THAP9: variants seen among roughly 807,000 people sequenced by gnomAD.
The protein encoded by THAP9 is THAP domain containing 9.
THAP9 carries 20 observed loss-of-function variants against 35.7 expected under a neutral mutation model. That is an observed-to-expected ratio of 0.56 (90% CI 0.39 to 0.81). The LOEUF is 0.81. Among genes scored for constraint, THAP9 ranks in the 40% least tolerant of loss-of-function variants. The pLI is 0.00. For synonymous variants in THAP9, 335 were observed against 373.7 expected (o/e 0.90, Z 1.19); for missense variants, 870 against 1,047.4 (o/e 0.83, Z 2.34).
chr4:82,905,901 T>C (rs1267581386), intron 2 of THAP9: 4 of 456,306 alleles, frequency 8.8e-6, no homozygotes, highest in South Asian at 6.2e-5. Context: ...TGACAGCTAA[T>C]TGAGGGAGCT....
chr4:82,906,601 A>T lies in THAP9; in HGVS notation c.554A>T (p.Glu185Val), dbSNP rs1720658361. ...GAGAAACTACTTTCTGAAGAAACAGAGTGTCTGCTACGAGCTCAATTTTCA... is the reference window on the plus strand; with the variant it reads ...GAGAAACTACTTTCTGAAGAAACAGTGTGTCTGCTACGAGCTCAATTTTCA... ...VEEKLLSEET[E>V]CLLRAQFSDF... The change falls in exon 3 of 5, where the codon GAG becomes GTG. Residue 185 changes from glutamate (E) to valine (V), a missense_variant. Coordinates refer to ENST00000302236, the MANE Select transcript of THAP9 (RefSeq NM_024672.6). The T allele has an allele frequency of 6.2e-7, 1 of 1,606,510 alleles. No homozygotes were observed. The highest frequency in any genetic ancestry group is 1.3e-5 in the African/African-American group (1 of 74,492).
In THAP9 at chr4:82,917,593, A is replaced by G; in HGVS notation, c.1381A>G (p.Ile461Val). 6.2e-7 allele frequency: 1 copy of G among 1,614,108 alleles called. No homozygotes were observed. ...EEQELSNMERIPSTLANLKNH... is the reference protein window; with the variant it reads ...EEQELSNMERVPSTLANLKNH... ...ACAGGAATTATCAAATATGGAAAGA[A>G]TACCAAGTACACTTGCAAATTTGAA... The change falls in exon 5 of 5, where the codon ATA becomes GTA. Residue 461 changes from isoleucine to valine, a missense_variant. Physicochemically the swap from Ile to Val is conservative, Grantham distance 29. Around this residue, in one of 3 missense-constraint regions of THAP9, gnomAD observed 16 missense variants for 45.5 expected, o/e 0.35. Transcript: ENST00000302236.
chr4:82,919,040 T>G lies in THAP9; in HGVS notation c.*116T>G. The G allele has an allele frequency of 1.2e-6, 1 of 827,308 alleles. No homozygotes were observed. Among genetic ancestry groups the G allele is most frequent in the South Asian group, 2.2e-5 (1 of 45,430 alleles). The allele number at this position is 827,308 out of a possible 1,614,324, so 51.2% of individuals were successfully genotyped here. ...TGCACAGTGGACAAGTTTGCAATTC[T>G]GACTTATTAAAATTTCAAATTCTGC... On this transcript the variant is annotated 3_prime_UTR_variant, in exon 5 of 5. Transcript: ENST00000302236.
intron 4 of THAP9, chr4:82,910,115 A>G (rs888626988): frequency 6.6e-6 from 1 of 151,518 alleles, no homozygotes; most frequent in South Asian, 2.1e-4. Flanking sequence ...TTCTGCGTCA[A>G]CTCCTAGATT....
intron 4 of THAP9, chr4:82,910,862 T>G: frequency 6.8e-6 from 2 of 296,292 alleles, no homozygotes; most frequent in Middle Eastern, 8.5e-4. Flanking sequence ...ATGAAGGTCA[T>G]TGATGACCAT....
chr4:82,900,912 G>A (rs759153203), intron 1 of THAP9, 30 bp downstream of exon 1: 4 of 1,610,998 alleles, frequency 2.5e-6, no homozygotes, highest in Middle Eastern at 1.7e-4. Flanking sequence ...CGAAGCCTTC[G>A]AACTCCCTGC....
At chr4:82,904,558 T>C (rs1031633857) in intron 1 of THAP9, among the ~76,000 whole-genome samples, 178 bp from the exon 2 acceptor site, 7 of 152,164 alleles carry the variant, frequency 4.6e-5, no homozygotes, top group African/African-American at 1.7e-4. Context: ...TATTGAACCT[T>C]TGGATTAAAA....
rs766397708 is a variant in THAP9, at chr4:82,917,834, G to C, written c.1622G>C (p.Ser541Thr). The change falls in exon 5 of 5, where the codon AGT becomes ACT. Residue 541 changes from serine (S) to threonine (T), a missense_variant. This residue lies in a region of THAP9 where 414 missense variants were observed against 500.8 expected (regional missense o/e 0.83). Coordinates refer to ENST00000302236, the MANE Select transcript of THAP9 (RefSeq NM_024672.6). Reference sequence around the variant, plus strand: ...GGGCCTCTGTTGCCTGAAACTTACAGTAAAATAAACCACGTGTTAATTGAA... The same window carrying C: ...GGGCCTCTGTTGCCTGAAACTTACACTAAAATAAACCACGTGTTAATTGAA... The part of the protein sequence containing the change: ...LKGPLLPETY[S>T]KINHVLIEAK... 6.2e-7 allele frequency: 1 copy of C among 1,613,368 alleles called. No individual in the cohort carries two copies. The highest frequency in any genetic ancestry group is 8.5e-7 in the Non-Finnish European group (1 of 1,179,940).
At chr4:82,914,730 C>T (rs754709311) in intron 4 of THAP9, among the ~76,000 whole-genome samples, 10 of 152,126 alleles carry the variant, frequency 6.6e-5, no homozygotes, top group Non-Finnish European at 1.0e-4. Flanking sequence ...GTCAGATGCA[C>T]AGTTTGCAAA....
intron 4 of THAP9, among the ~76,000 whole-genome samples, chr4:82,909,439 T>TGC (rs1476886678): frequency 6.6e-6 from 1 of 151,948 alleles, no homozygotes; most frequent in East Asian, 1.9e-4. Flanking sequence ...TGTGTGTGTG[T>TGC]GCACTTAGAT....
intron 4 of THAP9, 141 bp downstream of exon 4, chr4:82,908,076 C>T (rs1378666324): frequency 5.2e-5 from 43 of 824,970 alleles, no homozygotes; most frequent in East Asian, 2.6e-4. Context: ...AGTACTCATA[C>T]TCCCATTTAA....
At chr4:82,915,961 T>G (rs1254893191) in intron 4 of THAP9, among the ~76,000 whole-genome samples, 2 of 152,324 alleles carry the variant, frequency 1.3e-5, no homozygotes, top group Non-Finnish European at 2.9e-5. Context: ...ATTTTGTTTA[T>G]GAAACTTCTA....
chr4:82,917,778 T>TA lies in THAP9; in HGVS notation c.1567dup (p.Ser523LysfsTer2). The TA allele has an allele frequency of 6.2e-7, 1 of 1,614,026 alleles. No individual in the cohort carries two copies. The highest frequency in any genetic ancestry group is 8.5e-7 in the Non-Finnish European group (1 of 1,179,972). On this transcript the variant is annotated frameshift_variant, in exon 5 of 5. Coordinates refer to ENST00000302236, the MANE Select transcript of THAP9 (RefSeq NM_024672.6). LOFTEE classifies it high-confidence loss of function. ...TTAACAATCTGTTTGACATCTTTAA[T>TA]AGTAGGAACTGTTATGGAAAGGGAC...
intron 4 of THAP9, among the ~76,000 whole-genome samples, chr4:82,911,838 A>G (rs893400081): frequency 7.2e-5 from 11 of 152,228 alleles, no homozygotes; most frequent in Non-Finnish European, 1.2e-4. Context: ...CAGGAAAAGT[A>G]AGTAACTAGA....
intron 4 of THAP9, among the ~76,000 whole-genome samples, chr4:82,910,438 T>TAAAAAAA (rs11306469): frequency 6.8e-6 from 1 of 148,082 alleles, no homozygotes; most frequent in Non-Finnish European, 1.5e-5. Flanking sequence ...CCAAGTTAAA[T>TAAAAAAA]AAAAAAAAAA....
At chr4:82,900,988 T>C in intron 1 of THAP9, 106 bp downstream of exon 1, 1 of 1,335,740 alleles carries the variant, frequency 7.5e-7, no homozygotes, top group Non-Finnish European at 1.1e-6. Context: ...GCGCCGCGTG[T>C]GTGACGCGAC....
chr4:82,908,912 T>A (rs534597553), intron 4 of THAP9, among the ~76,000 whole-genome samples: 4 of 49,464 alleles, frequency 8.1e-5, no homozygotes, highest in African/African-American at 1.5e-4. Flanking sequence ...TACAGATTCC[T>A]TTTTTTTTTT....
Position 82,918,142 on chromosome 4 carries a change from A to T in THAP9, c.1930A>T (p.Arg644Ter), listed in dbSNP as rs1377613896. Residue 644 changes from arginine (R) to a stop codon, truncating the protein, a stop_gained, in exon 5 of 5, where the codon AGA becomes TGA. Coordinates refer to ENST00000302236, the MANE Select transcript of THAP9 (RefSeq NM_024672.6). LOFTEE classifies it low-confidence loss of function (END_TRUNC). Reference sequence around the variant, plus strand: ...GAAAGCTTACTATAATTTGGAGACCAGATACAAATTTCAAGATGAAGTTTT... The same window carrying T: ...GAAAGCTTACTATAATTTGGAGACCTGATACAAATTTCAAGATGAAGTTTT... The part of the protein sequence containing the change: ...FQKAYYNLET[R>*]YKFQDEVFLS... The T allele has an allele frequency of 3.7e-6, 6 of 1,614,080 alleles. No individual in the cohort carries two copies. In the East Asian group the frequency reaches 1.1e-4, roughly 30 times the overall value.
Position 82,917,013 on chromosome 4 carries a change from A to G in THAP9, c.801A>G (p.Val267=). ...SNIFSFLQRR[V]ENGDQLYQYC... is the part of the protein sequence containing the mutation. ...TTTTTTCTTTTCTTCAACGAAGAGT[A>G]GAGAATGGAGATCAGCTCTATCAAT... Residue 267 remains valine, a synonymous_variant, in exon 5 of 5, where the codon GTA becomes GTG. Transcript: ENST00000302236. 6.3e-7 allele frequency: 1 copy of G among 1,582,482 alleles called. No individual in the cohort carries two copies. The highest frequency in any genetic ancestry group is 8.6e-7 in the Non-Finnish European group (1 of 1,167,178).
Sources: gnomAD v4.1 joint callset for allele counts (sites outside exome capture counted in the v4.1 genomes callset) on GRCh38, gnomAD v4.1.1 for gene constraint, gnomAD v4.1.1 regional missense constraint, MANE v1.5 for transcripts, NCBI Gene and HGNC (gene_info 2026-07-23, HGNC 2026-07-21) for gene names.